The following NRXN1 variants were observed in gnomAD, a reference collection of about 807,000 sequenced individuals.
NRXN1 encodes neurexin-1.
In NRXN1, 39 loss-of-function variants were observed where a neutral mutation model predicts 150.9. That is an observed-to-expected ratio of 0.26 (90% CI 0.20 to 0.34). The LOEUF (loss-of-function observed/expected upper bound fraction) is 0.34. Among genes scored for constraint, NRXN1 ranks in the 10% least tolerant of loss-of-function variants. NRXN1 has a pLI of 1.00. For missense variants in NRXN1, 1,815 were observed against 1,949.9 expected (o/e 0.93, Z 1.30); for synonymous variants, 924 against 757.0 (o/e 1.22, Z -3.62).
intron 5 of NRXN1, among the ~76,000 whole-genome samples, chr2:50,814,053 T>C (rs1408139231): frequency 1.3e-5 from 2 of 152,202 alleles, no homozygotes; most frequent in Non-Finnish European, 2.9e-5. Flanking sequence ...GAAATTTAAT[T>C]TGCCTCATTT....
chr2:50,238,844 T>G (rs907361089), intron 17 of NRXN1, among the ~76,000 whole-genome samples: 2 of 151,938 alleles, frequency 1.3e-5, no homozygotes, highest in Non-Finnish European at 2.9e-5. Flanking sequence ...AGAAACATGT[T>G]AGGAGAAAAT....
Position 50,776,992 on chromosome 2 carries a change from T to G in NRXN1, c.832+144877A>C, listed in dbSNP as rs867533910. ...GATTTAAGTGACCATTTATTTTGTC[T>G]TGTATCTGCCTGAGAAAACCCTTTG... On this transcript the variant is annotated intron_variant, in intron 5 of 22. Coordinates refer to ENST00000401669, the MANE Select transcript of NRXN1 (RefSeq NM_001330078.2). Among the ~76,000 whole-genome samples the G allele has an allele frequency of 8.5e-5, 13 of 152,272 alleles. 1 individual carries two copies. The Middle Eastern group carries it at 0.01, about 120-fold the overall frequency.
At chr2:50,965,855 AT>A (rs1693987495) in intron 2 of NRXN1, among the ~76,000 whole-genome samples, 1 of 151,596 alleles carries the variant, frequency 6.6e-6, no homozygotes, top group South Asian at 2.1e-4. Flanking sequence ...AGTGTTCATT[AT>A]TTTTTAGGCT....
At chr2:50,068,109 C>T (rs1203501349) in intron 19 of NRXN1, among the ~76,000 whole-genome samples, 1 of 152,160 alleles carries the variant, frequency 6.6e-6, no homozygotes, top group Non-Finnish European at 1.5e-5. Flanking sequence ...ATTATTATGA[C>T]ATTCTGATCT....
chr2:50,366,349 TA>T (rs1304298248), intron 17 of NRXN1, among the ~76,000 whole-genome samples: 1 of 152,018 alleles, frequency 6.6e-6, no homozygotes, highest in Non-Finnish European at 1.5e-5. Context: ...AGATTCATCT[TA>T]AAAATCAGTG....
intron 2 of NRXN1, among the ~76,000 whole-genome samples, chr2:50,981,445 G>A (rs1162948395): frequency 1.9e-5 from 1 of 53,182 alleles, no homozygotes; most frequent in Non-Finnish European, 3.2e-5. Flanking sequence ...GTGACAGATA[G>A]AAACTCTATC....
chr2:50,184,890 G>C (rs909074543), intron 18 of NRXN1, among the ~76,000 whole-genome samples: 5 of 152,070 alleles, frequency 3.3e-5, no homozygotes, highest in Admixed American at 6.6e-5. Flanking sequence ...AATTGGCCAA[G>C]GTCCCATAGC....
intron 9 of NRXN1, chr2:50,551,491 G>C (rs1179218355): frequency 6.6e-6 from 1 of 152,192 alleles, no homozygotes; most frequent in Non-Finnish European, 1.5e-5. Context: ...ATGAGCAAGA[G>C]AGTTCAGCCC....
At chr2:50,628,791 AC>A (rs1405510301) in intron 5 of NRXN1, among the ~76,000 whole-genome samples, 2 of 151,716 alleles carry the variant, frequency 1.3e-5, no homozygotes, top group Non-Finnish European at 3.0e-5. Context: ...TATCTAGGAT[AC>A]AAAGAGACCT....
At chr2:50,883,124 C>T (rs184802535) in intron 5 of NRXN1, among the ~76,000 whole-genome samples, 13 of 151,920 alleles carry the variant, frequency 8.6e-5, no homozygotes, top group Middle Eastern at 3.4e-3. Context: ...AAACTAACTG[C>T]TCTCTCTGAA....
chr2:50,201,007 T>G lies in NRXN1; in HGVS notation c.3546+35782A>C, dbSNP rs542127210. 2.6e-5 allele frequency among the ~76,000 whole-genome samples: 4 copies of G among 152,310 alleles called. No individual in the cohort carries two copies. The East Asian group carries it at 7.7e-4, about 29-fold the overall frequency. ...TGGGTCTCTATTTCATTAGGTCTTC[T>G]TTTATTTTACTTCTGTTGCCCACTG... On this transcript the variant is annotated intron_variant, in intron 18 of 22. Coordinates refer to ENST00000401669, the MANE Select transcript of NRXN1 (RefSeq NM_001330078.2).
intron 5 of NRXN1, chr2:50,898,622 TA>T: frequency 2.1e-6 from 1 of 471,582 alleles, no homozygotes; most frequent in Admixed American, 2.3e-5. Flanking sequence ...TCTATGAGGT[TA>T]TCATTCAATT....
chr2:50,449,580 G>A (rs1274337945), intron 17 of NRXN1, among the ~76,000 whole-genome samples: 1 of 152,172 alleles, frequency 6.6e-6, no homozygotes, highest in Non-Finnish European at 1.5e-5. Context: ...TAGTAAGCTT[G>A]CAGGTGCTGC....
At chr2:50,708,490 C>T (rs962029351) in intron 5 of NRXN1, among the ~76,000 whole-genome samples, 2 of 152,004 alleles carry the variant, frequency 1.3e-5, no homozygotes, top group African/African-American at 2.4e-5. Flanking sequence ...GCTAGAGCCT[C>T]GTTAGTAAGA....
At chr2:50,805,986 T>G (rs1259838929) in intron 5 of NRXN1, among the ~76,000 whole-genome samples, 1 of 152,188 alleles carries the variant, frequency 6.6e-6, no homozygotes, top group Non-Finnish European at 1.5e-5. Flanking sequence ...CCCAGACATA[T>G]TCATCCTTTA....
intron 18 of NRXN1, among the ~76,000 whole-genome samples, chr2:50,193,228 T>C (rs998479946): frequency 2.6e-5 from 4 of 152,182 alleles, no homozygotes; most frequent in African/African-American, 9.7e-5. Context: ...AGCAGTCACA[T>C]AGCACTGATT....
chr2:49,974,344 T>G, intron 21 of NRXN1: 1 of 437,066 alleles, frequency 2.3e-6, no homozygotes. Flanking sequence ...CAGCAGTCGT[T>G]GCTTTTCAAT....
At chr2:50,714,937 A>G (rs1695674250) in intron 5 of NRXN1, among the ~76,000 whole-genome samples, 1 of 152,166 alleles carries the variant, frequency 6.6e-6, no homozygotes, top group Admixed American at 6.6e-5. Flanking sequence ...AATCAGCTGG[A>G]AAAAGTTAAA....
intron 5 of NRXN1, among the ~76,000 whole-genome samples, chr2:50,692,644 G>A (rs543357639): frequency 1.1e-4 from 17 of 152,048 alleles, no homozygotes; most frequent in East Asian, 1.9e-4. Context: ...TTGTAATCTC[G>A]TTAGATTTGC....
Sources: allele counts gnomAD v4.1 joint callset (sites outside exome capture counted in the v4.1 genomes callset), GRCh38; gene constraint gnomAD v4.1.1; transcripts MANE v1.5; gene names NCBI Gene and HGNC (gene_info 2026-07-23, HGNC 2026-07-21).